The following FBXW9 variants were observed in gnomAD, a reference collection of about 807,000 sequenced individuals.
FBXW9 encodes F-box and WD repeat domain containing 9.
Under a neutral mutation model 55.8 loss-of-function variants are expected in FBXW9, and 38 were observed. The observed-to-expected ratio is 0.68, with a 90% CI of 0.53 to 0.89. FBXW9 has a LOEUF of 0.89. Among genes scored for constraint, FBXW9 ranks in the 40% least tolerant of loss-of-function variants. FBXW9 has a pLI of 0.00. For synonymous variants in FBXW9, 289 were observed against 278.2 expected (o/e 1.04, Z -0.38); for missense variants, 590 against 619.4 (o/e 0.95, Z 0.50).
At chr19:12,693,631 G>T in intron 3 of FBXW9, among the ~76,000 whole-genome samples, 1 of 130,014 alleles carries the variant, frequency 7.7e-6, no homozygotes, top group Admixed American at 8.5e-5. Flanking sequence ...TGGGCATGGT[G>T]GCACATGCCT....
Position 12,696,269 on chromosome 19 carries a change from G to T in FBXW9, c.313C>A (p.Arg105=). The change falls in exon 1 of 10, where the codon CGG becomes AGG. Residue 105 remains arginine, a synonymous_variant. Transcript: ENST00000393261. ...AGGTCGCGGAGCGCGTGGCACACCC[G>T]CGACAGGACGTGGAGCACGAGGCGG... ...DARLVLHVLS[R]VCHALRDLVS... The T allele has an allele frequency of 6.4e-7, 1 of 1,571,754 alleles. No individual in the cohort carries two copies. Among genetic ancestry groups the T allele is most frequent in the African/African-American group, 1.4e-5 (1 of 74,004 alleles).
intron 3 of FBXW9, 59 bp from the exon 4 acceptor site, chr19:12,691,513 G>A: frequency 7.0e-7 from 1 of 1,422,378 alleles, no homozygotes; most frequent in South Asian, 1.2e-5. Flanking sequence ...CCCAGACTGG[G>A]ATCGTTCTGT....
intron 1 of FBXW9, among the ~76,000 whole-genome samples, chr19:12,695,335 T>C (rs1227397819): frequency 2.6e-5 from 4 of 152,132 alleles, no homozygotes; most frequent in African/African-American, 9.7e-5. Context: ...AGGGGGCTGT[T>C]TCTCAAACAG....
chr19:12,694,972 C>A, intron 1 of FBXW9, 34 bp from the exon 2 acceptor site: 8 of 1,600,366 alleles, frequency 5.0e-6, no homozygotes, highest in South Asian at 1.1e-5. Flanking sequence ...GCCCAGTGGG[C>A]AGGGACCCTA....
Position 12,689,678 on chromosome 19 carries a change from C to T in FBXW9, c.1147-48G>A, listed in dbSNP as rs773192990. 58 of 1,608,676 alleles carry T rather than the reference C, an allele frequency of 3.6e-5. No homozygotes were observed. The highest frequency in any genetic ancestry group is 4.6e-5 in the Non-Finnish European group (54 of 1,175,658). ...CACTCAGTCGAGGCTCTCCCAAGGC[C>T]CGCCCTCCCCCACACCACCAGGGGC... On this transcript the variant is annotated intron_variant, in intron 7 of 9. Transcript: ENST00000393261. This position sits in a 1 kb window ranked among gnomAD's most constrained non-coding sequence, Gnocchi z 5.9.
chr19:12,690,975 C>T (rs557777259), intron 5 of FBXW9, among the ~76,000 whole-genome samples, 191 bp downstream of exon 5: 8 of 152,310 alleles, frequency 5.3e-5, no homozygotes, highest in Non-Finnish European at 7.4e-5. Context: ...AACTCTAACC[C>T]GCCCCCAGGG....
Position 12,696,495 on chromosome 19 carries a change from C to G in FBXW9, c.87G>C (p.Gln29His), listed in dbSNP as rs1361524903. Residue 29 changes from glutamine to histidine, a missense_variant, in exon 1 of 10, where the codon CAG becomes CAC. Physicochemically the swap from Gln to His is conservative, Grantham distance 24. Coordinates refer to ENST00000393261, the MANE Select transcript of FBXW9 (RefSeq NM_032301.3). ...DPESETDPDA[Q>H]AKAYVARVLS... ...GAACGCGGGCCACGTAGGCCTTGGC[C>G]TGCGCGTCTGGGTCTGTCTCTGACT... The G allele has an allele frequency of 1.1e-5, 17 of 1,612,868 alleles. No homozygotes were observed. The highest frequency in any genetic ancestry group is 1.4e-5 in the Non-Finnish European group (17 of 1,179,986).
Position 12,688,961 on chromosome 19 carries a change from G to A in FBXW9, c.*255C>T. ...GTTTATTTCTCCTTCGCTCTCAACT[G>A]AGAGCGGGGCATCCAAATCATAACA... On this transcript the variant is annotated 3_prime_UTR_variant, in exon 10 of 10. Coordinates refer to ENST00000393261, the MANE Select transcript of FBXW9 (RefSeq NM_032301.3). 1 of 665,854 alleles carries A rather than the reference G, an allele frequency of 1.5e-6. No homozygotes were observed. The highest frequency in any genetic ancestry group is 2.8e-6 in the Non-Finnish European group (1 of 361,080). 41.2% of individuals were successfully genotyped at this position (665,854 alleles called of 1,614,324 possible). A position where few individuals can be genotyped will look rare whatever the true frequency, so the allele number is the denominator to read the frequency against.
At position 12,696,461 on chromosome 19, in the gene FBXW9, G is replaced by A. The variant is rs772845492; in HGVS notation, c.121C>T (p.Pro41Ser). The A allele has an allele frequency of 3.7e-6, 6 of 1,612,640 alleles. No individual in the cohort carries two copies. Among genetic ancestry groups the A allele is most frequent in the African/African-American group, 2.7e-5 (2 of 75,070 alleles). The change falls in exon 1 of 10, where the codon CCA becomes TCA. Residue 41 changes from proline to serine, a missense_variant. Coordinates refer to ENST00000393261, the MANE Select transcript of FBXW9 (RefSeq NM_032301.3). Reference sequence around the variant, plus strand: ...CGCGAGAACGCCAGCCCGGATTTTGGCGGACTGAGAACGCGGGCCACGTAG... The same window carrying A: ...CGCGAGAACGCCAGCCCGGATTTTGACGGACTGAGAACGCGGGCCACGTAG... ...KAYVARVLSP[P>S]KSGLAFSRPS...
intron 3 of FBXW9, among the ~76,000 whole-genome samples, chr19:12,693,521 A>T (rs1455834847): frequency 3.2e-4 from 11 of 34,046 alleles, no homozygotes; most frequent in African/African-American, 1.2e-3. Flanking sequence ...AAAAAAAAAA[A>T]AAAAAAAAAT....
rs1393847643 is a variant in FBXW9, at chr19:12,696,595, G to C, written c.-14C>G. The C allele has an allele frequency of 6.2e-7, 1 of 1,603,440 alleles. No individual in the cohort carries two copies. The highest frequency in any genetic ancestry group is 8.5e-7 in the Non-Finnish European group (1 of 1,179,098). The stretch of plus-strand genomic sequence containing the variant: ...GGGAAGCTCCATTGCGACCGGGTGG[G>C]CGCTGCCGGCCTCGCGTCTTGTCTC... On this transcript the variant is annotated 5_prime_UTR_variant, in exon 1 of 10. Coordinates refer to ENST00000393261, the MANE Select transcript of FBXW9 (RefSeq NM_032301.3).
rs200642809 is a variant in FBXW9, at chr19:12,694,636, A to C, written c.636T>G (p.Val212=). The part of the protein sequence containing the change: ...LRQLGTESNQ[V]LIKTLGTKRN... ...GCTTAGTGCCTAAGGTCTTGATCAG[A>C]ACCTGGTTGGACTCCGTCCCCAGCT... The change falls in exon 3 of 10, where the codon GTT becomes GTG. Residue 212 remains valine (V), a synonymous_variant. Coordinates refer to ENST00000393261, the MANE Select transcript of FBXW9 (RefSeq NM_032301.3). 6.2e-7 allele frequency: 1 copy of C among 1,614,070 alleles called. No homozygotes were observed. Among genetic ancestry groups the C allele is most frequent in the African/African-American group, 1.3e-5 (1 of 74,938 alleles).
Position 12,694,702 on chromosome 19 carries a change from CGACA to C in FBXW9, c.566_569del (p.Leu189ArgfsTer24), listed in dbSNP as rs752373035. ...AGTTGACGTTGCGATCTCGGGAGCCCGACAGACAGAGTGACCCACCCTGGAAAGG... is the reference window on the plus strand; with the variant it reads ...AGTTGACGTTGCGATCTCGGGAGCCCGACAGAGTGACCCACCCTGGAAAGG... On this transcript the variant is annotated frameshift_variant, in exon 3 of 10. Transcript: ENST00000393261. LOFTEE classifies it high-confidence loss of function. The C allele has an allele frequency of 2.7e-5, 43 of 1,614,068 alleles. No homozygotes were observed. Among genetic ancestry groups the C allele is most frequent in the Non-Finnish European group, 3.3e-5 (39 of 1,180,040 alleles).
In FBXW9 at chr19:12,689,101, C is replaced by G. The variant is rs186754437; in HGVS notation, c.*115G>C. 4.8e-4 allele frequency: 422 copies of G among 876,336 alleles called. 1 individual carries two copies. In the African/African-American group the frequency reaches 5.6e-3, roughly 12 times the overall value. 54.3% of individuals were successfully genotyped at this position (876,336 alleles called of 1,614,324 possible). Reference sequence around the variant, plus strand: ...CGCTCACCCGAATGTGGCTGGGACTCCTTGTGCCCTAGGCCCACGGGGCGG... The same window carrying G: ...CGCTCACCCGAATGTGGCTGGGACTGCTTGTGCCCTAGGCCCACGGGGCGG... On this transcript the variant is annotated 3_prime_UTR_variant, in exon 10 of 10. Coordinates refer to ENST00000393261, the MANE Select transcript of FBXW9 (RefSeq NM_032301.3). This position sits in a 1 kb window ranked among gnomAD's most constrained non-coding sequence, Gnocchi z 5.9.
At chr19:12,691,287 C>T (rs2025004187) in intron 4 of FBXW9, 30 bp from the exon 5 acceptor site, 1 of 1,613,966 alleles carries the variant, frequency 6.2e-7, no homozygotes, top group East Asian at 2.2e-5. Flanking sequence ...AGGGCTTTGG[C>T]TGTGGCCAGA....
At position 12,696,187 on chromosome 19, in the gene FBXW9, T is replaced by C; in HGVS notation, c.395A>G (p.Tyr132Cys). The change falls in exon 1 of 10, where the codon TAC becomes TGC. Residue 132 changes from tyrosine (Y) to cysteine (C), a missense_variant. By Grantham distance (194) the Tyr-to-Cys change is radical. Coordinates refer to ENST00000393261, the MANE Select transcript of FBXW9 (RefSeq NM_032301.3). The part of the protein sequence containing the change: ...LRALRRVRAP[Y>C]PVVEEKNFDW... The stretch of plus-strand genomic sequence containing the variant: ...GCCCCGCGCACCTTCCACCACTGGG[T>C]AGGGCGCGCGTACGCGGCGTAGCGC... The C allele has an allele frequency of 6.6e-7, 1 of 1,519,364 alleles. No homozygotes were observed. The allele number at this position is 1,519,364 out of a possible 1,614,324, so 94.1% of individuals were successfully genotyped here.
intron 1 of FBXW9, 62 bp downstream of exon 1, chr19:12,696,111 C>A: frequency 6.9e-7 from 1 of 1,455,124 alleles, no homozygotes; most frequent in Admixed American, 2.6e-5. Flanking sequence ...CTCTTCCCCG[C>A]CCCAAGCCTG....
chr19:12,695,226 C>A (rs1350267034), intron 1 of FBXW9, among the ~76,000 whole-genome samples: 1 of 152,158 alleles, frequency 6.6e-6, no homozygotes, highest in Non-Finnish European at 1.5e-5. Context: ...AAACTCAGGG[C>A]AGAGCAGTCT....
Position 12,689,945 on chromosome 19 carries a change from C to A in FBXW9, c.1032+17G>T. 1 of 1,613,538 alleles carries A rather than the reference C, an allele frequency of 6.2e-7. No homozygotes were observed. The highest frequency in any genetic ancestry group is 8.5e-7 in the Non-Finnish European group (1 of 1,179,710). ...TGCAACAGTCCCCATCCCTCCAGGC[C>A]CCTGGGGAGGGCCCACCTGCAGACG... On this transcript the variant is annotated intron_variant, in intron 6 of 9. Coordinates refer to ENST00000393261, the MANE Select transcript of FBXW9 (RefSeq NM_032301.3). This position sits in a 1 kb window ranked among gnomAD's most constrained non-coding sequence, Gnocchi z 5.9.
Sources: allele counts gnomAD v4.1 joint callset (sites outside exome capture counted in the v4.1 genomes callset), GRCh38; gene constraint gnomAD v4.1.1; non-coding constraint Gnocchi (gnomAD v3.1); transcripts MANE v1.5; gene names NCBI Gene and HGNC (gene_info 2026-07-23, HGNC 2026-07-21).